The following SAMD4A variants were observed in gnomAD, a reference collection of about 807,000 sequenced individuals.
SAMD4A encodes protein Smaug homolog 1.
SAMD4A carries 33 observed loss-of-function variants against 81.3 expected under a neutral mutation model. That is an observed-to-expected ratio of 0.41 (90% confidence interval 0.31 to 0.54). The LOEUF is 0.54. Ranked by LOEUF, SAMD4A falls within the 20% of genes least tolerant of loss-of-function variation. The pLI is 0.37. For missense variants in SAMD4A, 854 were observed against 951.1 expected (o/e 0.90, Z 1.34); for synonymous variants, 389 against 382.1 (o/e 1.02, Z -0.21).
At chr14:54,787,600 G>A (rs1418333636) in intron 12 of SAMD4A, among the ~76,000 whole-genome samples, 2 of 152,200 alleles carry the variant, frequency 1.3e-5, no homozygotes, top group Non-Finnish European at 2.9e-5. Context: ...GGCTTGGACT[G>A]GGACATCAGC....
At chr14:54,733,952 T>C (rs1270585994) in intron 3 of SAMD4A, among the ~76,000 whole-genome samples, 1 of 152,230 alleles carries the variant, frequency 6.6e-6, no homozygotes, top group Non-Finnish European at 1.5e-5. Context: ...ACTCTGCCAC[T>C]GGCCCCCTCG....
At chr14:54,666,823 G>A (rs1469031137) in intron 2 of SAMD4A, among the ~76,000 whole-genome samples, 1 of 152,142 alleles carries the variant, frequency 6.6e-6, no homozygotes, top group Admixed American at 6.5e-5. Flanking sequence ...ACCCCCAAAT[G>A]TTGGAGGAAT....
At chr14:54,588,438 A>T (rs902566940) in intron 2 of SAMD4A, among the ~76,000 whole-genome samples, 1 of 149,436 alleles carries the variant, frequency 6.7e-6, no homozygotes, top group Non-Finnish European at 1.5e-5. Context: ...TTGGGTTTGG[A>T]TTGTTCTTGT....
At chr14:54,688,052 A>G in intron 2 of SAMD4A, 4 of 985,740 alleles carry the variant, frequency 4.1e-6, no homozygotes, top group Non-Finnish European at 4.8e-6. Context: ...GAGGAGATGG[A>G]GCAATCTCTT....
chr14:54,607,110 G>T (rs1371516624), intron 2 of SAMD4A, among the ~76,000 whole-genome samples: 1 of 152,230 alleles, frequency 6.6e-6, no homozygotes, highest in African/African-American at 2.4e-5. Flanking sequence ...GAAAGCAGTG[G>T]CAGGGAGGGA....
intron 2 of SAMD4A, among the ~76,000 whole-genome samples, chr14:54,603,381 T>A (rs114980187): frequency 6.6e-6 from 1 of 152,182 alleles, no homozygotes; most frequent in East Asian, 1.9e-4. Flanking sequence ...ATTTAGGCAG[T>A]TTTATGAATA....
intron 9 of SAMD4A, among the ~76,000 whole-genome samples, chr14:54,773,752 G>T (rs948262489): frequency 1.3e-5 from 2 of 152,218 alleles, no homozygotes; most frequent in Non-Finnish European, 2.9e-5. Context: ...CATCATCTCC[G>T]ACCTTATATC....
In SAMD4A at chr14:54,791,334, A is replaced by G. The variant is rs981718412; in HGVS notation, c.*2390A>G. On this transcript the variant is annotated 3_prime_UTR_variant, in exon 13 of 13. Coordinates refer to ENST00000554335, the MANE Select transcript of SAMD4A (RefSeq NM_015589.6). ...GCATTCGGATCTGCTGCAAAAACAC[A>G]TATATCCATAAAGACTCATGTTATT... is the stretch of plus-strand genomic sequence containing the variant. The G allele has an allele frequency of 6.6e-6, 1 of 152,240 alleles. No individual in the cohort carries two copies. Among genetic ancestry groups the G allele is most frequent in the Non-Finnish European group, 1.5e-5 (1 of 68,036 alleles). 9.4% of individuals were successfully genotyped at this position (152,240 alleles called of 1,614,324 possible). A position where few individuals can be genotyped will look rare whatever the true frequency, so the allele number is the denominator to read the frequency against.
chr14:54,719,885 C>T (rs1312481679), intron 3 of SAMD4A, among the ~76,000 whole-genome samples: 1 of 152,142 alleles, frequency 6.6e-6, no homozygotes, highest in Non-Finnish European at 1.5e-5. Context: ...TGTTAGTTAC[C>T]CTCAGTCTAG....
chr14:54,601,746 C>T (rs1047211959), intron 2 of SAMD4A, among the ~76,000 whole-genome samples: 1 of 152,162 alleles, frequency 6.6e-6, no homozygotes, highest in Non-Finnish European at 1.5e-5. Flanking sequence ...TTATTTGAAT[C>T]TTGTGTCTGT....
At chr14:54,696,540 C>T (rs11622319) in intron 2 of SAMD4A, among the ~76,000 whole-genome samples, 49,422 of 152,102 alleles carry the variant, frequency 0.32, 9,969 homozygotes, top group Non-Finnish European at 0.45. Context: ...TTATGGCAAA[C>T]GTTATTAAAC....
At chr14:54,772,102 T>C (rs2038722262) in intron 9 of SAMD4A, among the ~76,000 whole-genome samples, 1 of 152,360 alleles carries the variant, frequency 6.6e-6, no homozygotes, top group Non-Finnish European at 1.5e-5. Context: ...GCTATTAATT[T>C]GCTTTGAAGA....
At chr14:54,771,280 C>T (rs1407973597) in intron 9 of SAMD4A, among the ~76,000 whole-genome samples, 2 of 152,176 alleles carry the variant, frequency 1.3e-5, no homozygotes, top group African/African-American at 4.8e-5. Flanking sequence ...TATCCAAGCA[C>T]TTTAAGAATA....
In SAMD4A at chr14:54,763,396, A is replaced by G. The variant is rs936914852; in HGVS notation, c.1511-1059A>G. Among the ~76,000 whole-genome samples, 5 of 152,138 alleles carry G rather than the reference A, an allele frequency of 3.3e-5. No homozygotes were observed. In the East Asian group the frequency reaches 5.8e-4, roughly 18 times the overall value. ...AAGTATATATACTTACAATATTTCT[A>G]TCAGTACAAATAGCGCCATCTCAAA... On this transcript the variant is annotated intron_variant, in intron 7 of 12. Coordinates refer to ENST00000554335, the MANE Select transcript of SAMD4A (RefSeq NM_015589.6).
At chr14:54,773,415 A>G (rs1434430425) in intron 9 of SAMD4A, among the ~76,000 whole-genome samples, 1 of 152,166 alleles carries the variant, frequency 6.6e-6, no homozygotes, top group Non-Finnish European at 1.5e-5. Flanking sequence ...TCTTGTGGCC[A>G]CTGGAGGTAA....
Position 54,758,018 on chromosome 14 carries a change from G to T in SAMD4A, c.1177-2143G>T, listed in dbSNP as rs542230832. Among the ~76,000 whole-genome samples, 8 of 152,320 alleles carry T rather than the reference G, an allele frequency of 5.3e-5. No individual in the cohort carries two copies. In the South Asian group the frequency reaches 1.7e-3, roughly 32 times the overall value. ...GGGCCGGGTCTACCGTGGGCAGCAG[G>T]GAAGGAGTGATCAGGATCACGCCTG... On this transcript the variant is annotated intron_variant, in intron 6 of 12. Transcript: ENST00000554335.
chr14:54,760,406 C>T lies in SAMD4A; in HGVS notation c.1422C>T (p.His474=). The T allele has an allele frequency of 2.0e-6, 3 of 1,476,466 alleles. No individual in the cohort carries two copies. The highest frequency in any genetic ancestry group is 2.7e-6 in the Non-Finnish European group (3 of 1,126,084). The allele number at this position is 1,476,466 out of a possible 1,614,324, so 91.5% of individuals were successfully genotyped here. ...GGGCCAGCGGGGGGCTCCAGCCGCA[C>T]CAGCTGAGCAGCTGCGATGGGGAGC... ...SAGASGGLQP[H]QLSSCDGELA... is the part of the protein sequence containing the mutation. Residue 474 remains histidine, a synonymous_variant, in exon 7 of 13, where the codon CAC becomes CAT. Transcript: ENST00000554335.
chr14:54,760,772 A>G (rs17127909), intron 7 of SAMD4A, among the ~76,000 whole-genome samples: 9,679 of 152,232 alleles, frequency 0.064, 516 homozygotes, highest in East Asian at 0.21. Context: ...TACAGTGCTC[A>G]TTGGGCCAGT....
chr14:54,761,072 T>G (rs748762149), intron 7 of SAMD4A, among the ~76,000 whole-genome samples: 1 of 152,246 alleles, frequency 6.6e-6, no homozygotes, highest in Non-Finnish European at 1.5e-5. Context: ...TGTCTGCGTT[T>G]ATATTCTCTC....
Sources: allele counts gnomAD v4.1 joint callset (sites outside exome capture counted in the v4.1 genomes callset), GRCh38; gene constraint gnomAD v4.1.1; transcripts MANE v1.5; gene names NCBI Gene and HGNC (gene_info 2026-07-23, HGNC 2026-07-21).